ST8SIA2: variants seen among roughly 807,000 people sequenced by gnomAD.
ST8SIA2 encodes the protein alpha-2,8-sialyltransferase 8B.
A neutral mutation model predicts 37.6 loss-of-function variants in ST8SIA2; 22 were observed. That is an observed-to-expected ratio of 0.58 (90% CI 0.42 to 0.83). The LOEUF is 0.83. Among genes scored for constraint, ST8SIA2 ranks in the 40% least tolerant of loss-of-function variants. The probability of loss-of-function intolerance (pLI) is 0.00; values close to 1 mark genes in which losing one functional copy is unlikely to be tolerated. For synonymous variants in ST8SIA2, 205 were observed against 201.2 expected (o/e 1.02, Z -0.16); for missense variants, 382 against 484.7 (o/e 0.79, Z 1.99).
In ST8SIA2 at chr15:92,424,379, TA is replaced by T. The variant is rs534253058; in HGVS notation, c.99-5664del. On this transcript the variant is annotated intron_variant, in intron 1 of 5. Coordinates refer to ENST00000268164, the MANE Select transcript of ST8SIA2 (RefSeq NM_006011.4). ...ATATACACAGTTACGAATTTTCAAT[TA>T]AAAAATTATTAAAAATGAAATAAAA... Among the ~76,000 whole-genome samples the T allele has an allele frequency of 1.3e-3, 192 of 152,220 alleles. 1 individual carries two copies. The highest frequency in any genetic ancestry group is 4.3e-3 in the African/African-American group (180 of 41,496).
intron 4 of ST8SIA2, among the ~76,000 whole-genome samples, chr15:92,444,281 A>C (rs548410446): frequency 2.4e-4 from 36 of 151,966 alleles, no homozygotes; most frequent in Non-Finnish European, 4.6e-4. Context: ...CAGATCCCTC[A>C]CTCTGTCACC....
At chr15:92,402,386 C>T (rs1428095906) in intron 1 of ST8SIA2, among the ~76,000 whole-genome samples, 2 of 152,154 alleles carry the variant, frequency 1.3e-5, no homozygotes, top group Admixed American at 6.5e-5. Flanking sequence ...ATTATTATCT[C>T]CCTTTTACAG....
At chr15:92,399,542 G>C (rs1331432727) in intron 1 of ST8SIA2, among the ~76,000 whole-genome samples, 1 of 152,202 alleles carries the variant, frequency 6.6e-6, no homozygotes, top group African/African-American at 2.4e-5. Flanking sequence ...AAATGACCTT[G>C]AGCAGTTGCA....
chr15:92,420,363 C>A (rs2141819886), intron 1 of ST8SIA2, among the ~76,000 whole-genome samples: 1 of 152,254 alleles, frequency 6.6e-6, no homozygotes, highest in South Asian at 2.1e-4. Context: ...GGATCAGGAA[C>A]GATTGCAGTG....
At chr15:92,405,358 G>C (rs2049500381) in intron 1 of ST8SIA2, among the ~76,000 whole-genome samples, 8 of 152,226 alleles carry the variant, frequency 5.3e-5, no homozygotes, top group Admixed American at 5.2e-4. Flanking sequence ...TGGGTATAAA[G>C]TTTCAGTTTT....
intron 1 of ST8SIA2, among the ~76,000 whole-genome samples, chr15:92,413,582 T>TA (rs1484366687): frequency 6.6e-6 from 1 of 152,196 alleles, no homozygotes; most frequent in African/African-American, 2.4e-5. Flanking sequence ...ACTGCACACT[T>TA]ACTGAAGTAC....
intron 1 of ST8SIA2, among the ~76,000 whole-genome samples, chr15:92,412,811 C>A (rs957145959): frequency 1.3e-5 from 2 of 152,206 alleles, no homozygotes; most frequent in East Asian, 3.8e-4. Flanking sequence ...GCGCATGCCA[C>A]CACACCCAGC....
rs2050009625 is a variant in ST8SIA2, at chr15:92,468,637, G to A, written c.*4252G>A. 6.5e-6 allele frequency: 1 copy of A among 152,716 alleles called. No homozygotes were observed. The highest frequency in any genetic ancestry group is 6.5e-5 in the Admixed American group (1 of 15,290). The allele number at this position is 152,716 out of a possible 1,614,324, so 9.5% of individuals were successfully genotyped here. On this transcript the variant is annotated 3_prime_UTR_variant, in exon 6 of 6. Coordinates refer to ENST00000268164, the MANE Select transcript of ST8SIA2 (RefSeq NM_006011.4). Reference sequence around the variant, plus strand: ...TGTAAGCTTGCCAAGGGCAGGGACTGTGTTTTATTCATCTGTATCCATCAC... The same window carrying A: ...TGTAAGCTTGCCAAGGGCAGGGACTATGTTTTATTCATCTGTATCCATCAC...
intron 5 of ST8SIA2, 152 bp from the exon 6 acceptor site, chr15:92,463,948 C>T: frequency 9.0e-7 from 1 of 1,114,884 alleles, no homozygotes; most frequent in Non-Finnish European, 1.2e-6. Context: ...CTTGTCACTC[C>T]TCTGTGGAGG....
At chr15:92,402,458 T>G (rs962138300) in intron 1 of ST8SIA2, among the ~76,000 whole-genome samples, 6 of 152,134 alleles carry the variant, frequency 3.9e-5, no homozygotes, top group African/African-American at 1.4e-4. Context: ...GAGCTGGGAT[T>G]CAAACCCAGG....
In ST8SIA2 at chr15:92,438,268, G is replaced by A. The variant is rs2049774007; in HGVS notation, c.291-85G>A. On this transcript the variant is annotated intron_variant, in intron 3 of 5. Transcript: ENST00000268164. ...TTTGCTGGGCTGCAGCCACCGTGCAGGGCGACCCTGGATAGGAAAAGCTGG... is the reference window on the plus strand; with the variant it reads ...TTTGCTGGGCTGCAGCCACCGTGCAAGGCGACCCTGGATAGGAAAAGCTGG... 1.1e-5 allele frequency: 18 copies of A among 1,604,720 alleles called. No individual in the cohort carries two copies. In the South Asian group the frequency reaches 2.0e-4, roughly 18 times the overall value.
At chr15:92,407,659 G>C (rs1436772589) in intron 1 of ST8SIA2, among the ~76,000 whole-genome samples, 1 of 152,194 alleles carries the variant, frequency 6.6e-6, no homozygotes, top group Admixed American at 6.6e-5. Context: ...CAGGGGAATG[G>C]AGAGGGAAGG....
Position 92,464,072 on chromosome 15 carries a change from CTTTTTTTTTTTTT to C in ST8SIA2, c.843-17_843-5del. 1.6e-6 allele frequency: 2 copies of C among 1,271,960 alleles called. No homozygotes were observed. The highest frequency in any genetic ancestry group is 1.0e-6 in the Non-Finnish European group (1 of 988,960). The allele number at this position is 1,271,960 out of a possible 1,614,324, so 78.8% of individuals were successfully genotyped here. A position where few individuals can be genotyped will look rare whatever the true frequency, so the allele number is the denominator to read the frequency against. On this transcript the variant is annotated splice_polypyrimidine_tract_variant and intron_variant, in intron 5 of 5. Coordinates refer to ENST00000268164, the MANE Select transcript of ST8SIA2 (RefSeq NM_006011.4). The stretch of plus-strand genomic sequence containing the variant: ...TGACTCACAGACCCATGTTTCTTTT[CTTTTTTTTTTTTT>C]TTTTTTTTTTCCAGATACTGGCTGA...
In ST8SIA2 at chr15:92,403,202, G is replaced by A. The variant is rs115850737; in HGVS notation, c.98+9040G>A. Among the ~76,000 whole-genome samples the A allele has an allele frequency of 2.1e-3, 316 of 152,226 alleles. 2 individuals carry two copies. Among genetic ancestry groups the A allele is most frequent in the African/African-American group, 7.1e-3 (294 of 41,530 alleles). ...GGAAATGGAGACTCAGAGAGGTCTCGGGACTTGCTAAGGTCACACAGCTAG... is the reference window on the plus strand; with the variant it reads ...GGAAATGGAGACTCAGAGAGGTCTCAGGACTTGCTAAGGTCACACAGCTAG... On this transcript the variant is annotated intron_variant, in intron 1 of 5. Coordinates refer to ENST00000268164, the MANE Select transcript of ST8SIA2 (RefSeq NM_006011.4).
intron 3 of ST8SIA2, among the ~76,000 whole-genome samples, chr15:92,436,519 A>G (rs1408002886): frequency 6.6e-6 from 1 of 152,224 alleles, no homozygotes; most frequent in Admixed American, 6.5e-5. Flanking sequence ...GATGTTTAAT[A>G]ATTGATGGTA....
intron 5 of ST8SIA2, among the ~76,000 whole-genome samples, chr15:92,456,041 C>T (rs569166215): frequency 3.6e-4 from 55 of 152,320 alleles, no homozygotes; most frequent in African/African-American, 1.2e-3. Context: ...GGAGTGGCAT[C>T]GATTGAAACT....
intron 4 of ST8SIA2, among the ~76,000 whole-genome samples, chr15:92,443,678 T>C (rs2049819653): frequency 6.6e-6 from 1 of 152,020 alleles, no homozygotes; most frequent in Non-Finnish European, 1.5e-5. Flanking sequence ...CTCCACACAA[T>C]ATGCTCCAGT....
intron 1 of ST8SIA2, among the ~76,000 whole-genome samples, chr15:92,413,099 C>T (rs189214666): frequency 3.9e-5 from 6 of 152,258 alleles, no homozygotes; most frequent in African/African-American, 1.4e-4. Context: ...CTATTTTAAG[C>T]ACCTTCAAAC....
intron 1 of ST8SIA2, among the ~76,000 whole-genome samples, chr15:92,411,015 A>G (rs1471988686): frequency 6.6e-6 from 1 of 152,172 alleles, no homozygotes; most frequent in Non-Finnish European, 1.5e-5. Context: ...CTAGAGGTGG[A>G]GGAAAGTAGG....
Sources: gnomAD v4.1 joint callset for allele counts (sites outside exome capture counted in the v4.1 genomes callset) on GRCh38, gnomAD v4.1.1 for gene constraint, MANE v1.5 for transcripts, NCBI Gene and HGNC (gene_info 2026-07-23, HGNC 2026-07-21) for gene names.